Variants in MDN1 observed in about 807,000 individuals in gnomAD.
MDN1 encodes midasin AAA ATPase 1.
In MDN1, 266 loss-of-function variants were observed where a neutral mutation model predicts 669.2. The ratio of observed to expected loss-of-function variants is 0.40; its 90% CI spans 0.36 to 0.44. The LOEUF (loss-of-function observed/expected upper bound fraction) is 0.44. Among genes scored for constraint, MDN1 ranks in the 20% least tolerant of loss-of-function variants. MDN1 has a pLI of 1.00. For synonymous variants in MDN1, 2,385 were observed against 2,457.1 expected, an observed-to-expected ratio of 0.97 and a Z score of 0.87; for missense variants, 5,940 against 6,754.0, an observed-to-expected ratio of 0.88 and a Z score of 4.22.
At chr6:89,693,751 C>T (rs1348232234) in intron 62 of MDN1, among the ~76,000 whole-genome samples, 2 of 152,114 alleles carry the variant, frequency 1.3e-5, no homozygotes, top group Non-Finnish European at 2.9e-5. Flanking sequence ...GGATCCCCAA[C>T]CCGTACCATA....
intron 97 of MDN1, among the ~76,000 whole-genome samples, chr6:89,649,375 C>T (rs781233568): frequency 6.6e-6 from 1 of 152,176 alleles, no homozygotes; most frequent in African/African-American, 2.4e-5. Context: ...ATAAATGGAG[C>T]TGGGATATGA....
At position 89,693,153 on chromosome 6, in the gene MDN1, C is replaced by T. The variant is rs139125002; in HGVS notation, c.9882-5G>A. On this transcript the variant is annotated splice_polypyrimidine_tract_variant and splice_region_variant and intron_variant, in intron 62 of 101. Coordinates refer to ENST00000369393, the MANE Select transcript of MDN1 (RefSeq NM_014611.3). ...TCCATCCTTTGGCGAAGCAGCCTAA[C>T]GGGAAATTAACACAATATGCCAATT... is the stretch of plus-strand genomic sequence containing the variant. 7.4e-4 allele frequency: 1,158 copies of T among 1,564,124 alleles called. 8 individuals carry two copies. In the African/African-American group the frequency reaches 0.011, roughly 15 times the overall value.
At chr6:89,766,349 T>C (rs1209465124) in intron 15 of MDN1, among the ~76,000 whole-genome samples, 1 of 150,116 alleles carries the variant, frequency 6.7e-6, no homozygotes, top group Non-Finnish European at 1.5e-5. Context: ...CAGTATTACC[T>C]AAAGCCCTTA....
Position 89,713,193 on chromosome 6 carries a change from G to A in MDN1, c.7173C>T (p.Cys2391=), listed in dbSNP as rs780023312. 6.2e-7 allele frequency: 1 copy of A among 1,614,118 alleles called. No homozygotes were observed. Among genetic ancestry groups the A allele is most frequent in the Non-Finnish European group, 8.5e-7 (1 of 1,179,986 alleles). The part of the protein sequence containing the change: ...LSLDRAFSEA[C]WEVYVCSQHS... ...GCTGGGAACAGACATATACTTCCCAGCATGCTTCAGAAAAGGCTCTGTCTA... is the reference window on the plus strand; with the variant it reads ...GCTGGGAACAGACATATACTTCCCAACATGCTTCAGAAAAGGCTCTGTCTA... Residue 2391 remains cysteine, a synonymous_variant, in exon 47 of 102, where the codon TGC becomes TGT. Transcript: ENST00000369393.
rs1245912903 is a variant in MDN1 at position 89,692,470 on chromosome 6, G to A, written c.10560C>T (p.Ala3520=). The change falls in exon 63 of 102, where the codon GCC becomes GCT. Residue 3520 remains alanine, a synonymous_variant. Transcript: ENST00000369393. The stretch of plus-strand genomic sequence containing the variant: ...GACACACATGTCTGAAGAGCTGCAG[G>A]GCCCTCTGGTCCAACTCTCCCTTGC... ...VLCKGELDQR[A]LQLFRHVCQE... The A allele has an allele frequency of 6.8e-6, 11 of 1,613,350 alleles. No homozygotes were observed. In the East Asian group the frequency reaches 1.3e-4, roughly 20 times the overall value.
Position 89,701,929 on chromosome 6 carries a change from G to T in MDN1, c.8281C>A (p.Arg2761=), listed in dbSNP as rs747644822. The T allele has an allele frequency of 1.2e-6, 2 of 1,613,110 alleles. No homozygotes were observed. Among genetic ancestry groups the T allele is most frequent in the East Asian group, 2.2e-5 (1 of 44,862 alleles). Reference sequence around the variant, plus strand: ...TTGTCTTCATAATTCATCAGAAGTCGGGGGATCTGGTGGACCAGATGTTTT... The same window carrying T: ...TTGTCTTCATAATTCATCAGAAGTCTGGGGATCTGGTGGACCAGATGTTTT... The part of the protein sequence containing the change: ...VLKHLVHQIP[R]LLMNYEDKYY... Residue 2761 remains arginine, a synonymous_variant, in exon 54 of 102, where the codon CGA becomes AGA. Coordinates refer to ENST00000369393, the MANE Select transcript of MDN1 (RefSeq NM_014611.3).
At chr6:89,803,258 C>T in intron 2 of MDN1, 70 bp downstream of exon 2, 1 of 1,325,976 alleles carries the variant, frequency 7.5e-7, no homozygotes, top group Admixed American at 1.7e-5. Context: ...GCTCAGACTC[C>T]CTTACATCCC....
chr6:89,765,370 C>T (rs960198245), intron 15 of MDN1, among the ~76,000 whole-genome samples: 19 of 152,020 alleles, frequency 1.2e-4, no homozygotes, highest in Non-Finnish European at 7.4e-5. Flanking sequence ...AGATAAGAGA[C>T]CAACGCAGTG....
intron 53 of MDN1, among the ~76,000 whole-genome samples, chr6:89,704,232 T>G (rs1813374981): frequency 6.6e-6 from 1 of 151,760 alleles, no homozygotes; most frequent in Admixed American, 6.6e-5. Flanking sequence ...AATACAAAAA[T>G]TACCTGGGTG....
At chr6:89,646,441 TA>T (rs1808495839) in intron 100 of MDN1, 98 bp downstream of exon 100, 1 of 948,304 alleles carries the variant, frequency 1.1e-6, no homozygotes, top group East Asian at 2.4e-5. Flanking sequence ...GCATACCTAT[TA>T]AAACACAGTG....
At position 89,643,870 on chromosome 6, in the gene MDN1, G is replaced by A; in HGVS notation, c.*135C>T. ...AAAGCCGGGAGCCAGAGAGCATTCT[G>A]TAGGCTGTAAGATCACGTTGTAAAA... On this transcript the variant is annotated 3_prime_UTR_variant, in exon 102 of 102. Coordinates refer to ENST00000369393, the MANE Select transcript of MDN1 (RefSeq NM_014611.3). 2 of 798,330 alleles carry A rather than the reference G, an allele frequency of 2.5e-6. No homozygotes were observed. Among genetic ancestry groups the A allele is most frequent in the South Asian group, 5.0e-5 (2 of 40,008 alleles). 49.5% of individuals were successfully genotyped at this position (798,330 alleles called of 1,614,324 possible).
intron 63 of MDN1, among the ~76,000 whole-genome samples, chr6:89,691,585 G>A (rs1404829463): frequency 2.0e-5 from 3 of 151,910 alleles, no homozygotes; most frequent in Admixed American, 1.3e-4. Context: ...ATATACAAAT[G>A]TAAATGTTCA....
In MDN1 at chr6:89,753,526, T is replaced by A; in HGVS notation, c.3061A>T (p.Ser1021Cys). The change falls in exon 22 of 102, where the codon AGT (serine) becomes TGT (cysteine). Residue 1021 changes from serine (S) to cysteine (C), a missense_variant. By Grantham distance (112) the Ser-to-Cys change is moderately radical. Around this residue, in one of 5 missense-constraint regions of MDN1, gnomAD observed 1,203 missense variants for 1,268.9 expected, o/e 0.95. Coordinates refer to ENST00000369393, the MANE Select transcript of MDN1 (RefSeq NM_014611.3). ...CQHIVPGNVKSLLKQPIPEPK... is the reference protein window; with the variant it reads ...CQHIVPGNVKCLLKQPIPEPK... ...AAAGAACATACCTGCTTCAGCAGAC[T>A]CTTGACATTGCCAGGGACAATGTGT... 1 of 1,610,382 alleles carries A rather than the reference T, an allele frequency of 6.2e-7. No homozygotes were observed. The highest frequency in any genetic ancestry group is 8.5e-7 in the Non-Finnish European group (1 of 1,176,810).
At chr6:89,673,553 G>C in intron 79 of MDN1, 91 bp from the exon 80 acceptor site, 2 of 1,131,232 alleles carry the variant, frequency 1.8e-6, no homozygotes, top group Non-Finnish European at 2.6e-6. Flanking sequence ...GATATGCAAG[G>C]TAGAACTCAT....
intron 59 of MDN1, among the ~76,000 whole-genome samples, chr6:89,697,004 G>C (rs1325687683): frequency 6.6e-6 from 1 of 152,186 alleles, no homozygotes; most frequent in Non-Finnish European, 1.5e-5. Flanking sequence ...TTGTCAAAGG[G>C]TGACAGCCAA....
In MDN1 at chr6:89,819,754, G is replaced by GGGCACCACACGTGGGTGAGC; in HGVS notation, c.-167_-148dup. The GGGCACCACACGTGGGTGAGC allele has an allele frequency of 1.5e-6, 1 of 650,070 alleles. No individual in the cohort carries two copies. The highest frequency in any genetic ancestry group is 2.7e-6 in the Non-Finnish European group (1 of 367,680). 40.3% of individuals were successfully genotyped at this position (650,070 alleles called of 1,614,324 possible). On this transcript the variant is annotated 5_prime_UTR_variant, in exon 1 of 102. The change abolishes the stop of an existing upstream ORF in the 5' untranslated region. Transcript: ENST00000369393. ...AGCTCCAGCGCCTACACCGGGAGAG[G>GGGCACCACACGTGGGTGAGC]GGCACCACACGTGGGTGAGCACACG...
intron 53 of MDN1, among the ~76,000 whole-genome samples, chr6:89,703,815 C>T (rs1813335333): frequency 6.6e-6 from 1 of 151,896 alleles, no homozygotes; most frequent in Admixed American, 6.6e-5. Flanking sequence ...AGTTCCAGAA[C>T]AGCCTGGCCA....
At chr6:89,791,793 G>C (rs1819280501) in intron 5 of MDN1, among the ~76,000 whole-genome samples, 1 of 151,782 alleles carries the variant, frequency 6.6e-6, no homozygotes, top group African/African-American at 2.4e-5. Context: ...GCAACATAGT[G>C]AGACTCTGTC....
intron 51 of MDN1, 103 bp from the exon 52 acceptor site, chr6:89,707,579 C>G: frequency 1.4e-6 from 1 of 737,952 alleles, no homozygotes; most frequent in South Asian, 1.6e-5. Context: ...GGTCCTTCAT[C>G]CTGCCATTCC....
Sources: gnomAD v4.1 joint callset for allele counts (sites outside exome capture counted in the v4.1 genomes callset) on GRCh38, gnomAD v4.1.1 for gene constraint, gnomAD v4.1.1 regional missense constraint, MANE v1.5 for transcripts, NCBI Gene and HGNC (gene_info 2026-07-23, HGNC 2026-07-21) for gene names.